Variants in PRXL2C observed in about 807,000 individuals in gnomAD.
The protein encoded by PRXL2C is peroxiredoxin-like 2C.
Under a neutral mutation model 24.9 loss-of-function variants are expected in PRXL2C, and 38 were observed. The observed-to-expected ratio is 1.53, with a 90% CI of 1.18 to 2.00. The LOEUF (loss-of-function observed/expected upper bound fraction) is 2.00, where lower values mean the gene tolerates loss of function less well. PRXL2C is among the 30% of genes most tolerant of loss of function. The probability of loss-of-function intolerance (pLI) is 0.00; values close to 1 mark genes in which losing one functional copy is unlikely to be tolerated. For missense variants in PRXL2C, 294 were observed against 290.9 expected (o/e 1.01, Z -0.08); for synonymous variants, 98 against 117.2 (o/e 0.84, Z 1.06).
chr9:96,645,036 A>G (rs1282700214), intron 5 of PRXL2C, among the ~76,000 whole-genome samples: 1 of 150,528 alleles, frequency 6.6e-6, no homozygotes. Context: ...CCTCCCGAGT[A>G]GCTGGGACTA....
In PRXL2C at chr9:96,640,932, C is replaced by T. The variant is rs770737646; in HGVS notation, c.*827G>A. The T allele has an allele frequency of 6.6e-6, 1 of 151,832 alleles. No individual in the cohort carries two copies. The highest frequency in any genetic ancestry group is 6.6e-5 in the Admixed American group (1 of 15,202). 9.4% of individuals were successfully genotyped at this position (151,832 alleles called of 1,614,324 possible). ...AAATATCTAAAACAATTTTTTTCTC[C>T]ATAGCTCCCCCAACCCCCCAAAATC... is the stretch of plus-strand genomic sequence containing the variant. On this transcript the variant is annotated 3_prime_UTR_variant, in exon 6 of 6. Transcript: ENST00000375234.
chr9:96,645,117 G>A (rs944354301), intron 5 of PRXL2C, among the ~76,000 whole-genome samples: 7 of 151,134 alleles, frequency 4.6e-5, no homozygotes, highest in African/African-American at 1.2e-4. Context: ...CACCGTGTTA[G>A]CCAGGATGGT....
intron 4 of PRXL2C, among the ~76,000 whole-genome samples, chr9:96,647,069 C>A (rs1389586693): frequency 6.6e-6 from 1 of 152,094 alleles, no homozygotes; most frequent in Non-Finnish European, 1.5e-5. Context: ...GGATTACAAG[C>A]ATAAGCCACC....
intron 2 of PRXL2C, among the ~76,000 whole-genome samples, chr9:96,653,539 T>C (rs1848304609): frequency 6.6e-6 from 1 of 152,188 alleles, no homozygotes; most frequent in African/African-American, 2.4e-5. Flanking sequence ...GTGACTATAG[T>C]TAACAATGTA....
chr9:96,640,540 A>C lies in PRXL2C; in HGVS notation c.*1219T>G, dbSNP rs1248963608. The C allele has an allele frequency of 4.6e-5, 7 of 153,264 alleles. No individual in the cohort carries two copies. Among genetic ancestry groups the C allele is most frequent in the Admixed American group, 1.4e-4 (2 of 14,550 alleles). The allele number at this position is 153,264 out of a possible 1,614,324, so 9.5% of individuals were successfully genotyped here. A position where few individuals can be genotyped will look rare whatever the true frequency, so the allele number is the denominator to read the frequency against. On this transcript the variant is annotated 3_prime_UTR_variant, in exon 6 of 6. Coordinates refer to ENST00000375234, the MANE Select transcript of PRXL2C (RefSeq NM_153698.2). ...TCAAAAAAAAAAAAAAAAAAAAAAA[A>C]AAAAAAGCCAGGCAAGGTGGCTCAT...
intron 2 of PRXL2C, 76 bp from the exon 3 acceptor site, chr9:96,651,788 C>A: frequency 7.7e-7 from 1 of 1,294,790 alleles, no homozygotes; most frequent in Non-Finnish European, 1.1e-6. Context: ...TAACCCAACT[C>A]TTATGTTTCA....
In PRXL2C at chr9:96,654,708, T is replaced by C; in HGVS notation, c.258A>G (p.Leu86=). ...EDLAKIPRSF[L]QEANVTLIVI... is the part of the protein sequence containing the mutation. ...CCGCCCACGCTGGGAAACTCACTTG[T>C]AAGAAACTCCTGGGGATTTTGGCCA... The change falls in exon 2 of 6, where the codon TTA becomes TTG. Residue 86 remains leucine (L), a synonymous_variant. Transcript: ENST00000375234. 6.4e-7 allele frequency: 1 copy of C among 1,562,342 alleles called. No homozygotes were observed. Among genetic ancestry groups the C allele is most frequent in the East Asian group, 2.4e-5 (1 of 42,552 alleles).
rs149616501 is a variant in PRXL2C, at chr9:96,648,465, A to G, written c.422-2441T>C. Among the ~76,000 whole-genome samples the G allele has an allele frequency of 2.8e-3, 432 of 151,820 alleles. 4 individuals carry two copies. Among genetic ancestry groups the G allele is most frequent in the African/African-American group, 9.3e-3 (385 of 41,508 alleles). ...GCACCATTAATTTTAAATTATAATTATATAATATATTTTTAGTGCCTTAGT... is the reference window on the plus strand; with the variant it reads ...GCACCATTAATTTTAAATTATAATTGTATAATATATTTTTAGTGCCTTAGT... On this transcript the variant is annotated intron_variant, in intron 4 of 5. Coordinates refer to ENST00000375234, the MANE Select transcript of PRXL2C (RefSeq NM_153698.2).
Position 96,654,962 on chromosome 9 carries a change from G to T in PRXL2C, c.192+128C>A, listed in dbSNP as rs538068434. 384 of 1,261,730 alleles carry T rather than the reference G, an allele frequency of 3.0e-4. 1 individual carries two copies. The East Asian group carries it at 8.7e-3, about 29-fold the overall frequency. The allele number at this position is 1,261,730 out of a possible 1,614,324, so 78.2% of individuals were successfully genotyped here. A position where few individuals can be genotyped will look rare whatever the true frequency, so the allele number is the denominator to read the frequency against. On this transcript the variant is annotated intron_variant, in intron 1 of 5. Coordinates refer to ENST00000375234, the MANE Select transcript of PRXL2C (RefSeq NM_153698.2). ...CCTCTCCCTGCCCCGCCCTAGTTGG[G>T]AAGCGGCCGCGACTGGGCAGGCTGC...
rs1306240774 is a variant in PRXL2C at position 96,655,203 on chromosome 9, C to T, written c.79G>A (p.Gly27Arg). The T allele has an allele frequency of 3.4e-6, 4 of 1,183,712 alleles. No homozygotes were observed. The highest frequency in any genetic ancestry group is 4.2e-6 in the Non-Finnish European group (4 of 958,914). 73.3% of individuals were successfully genotyped at this position (1,183,712 alleles called of 1,614,324 possible). The change falls in exon 1 of 6, where the codon GGG becomes AGG. Residue 27 changes from glycine (G) to arginine (R), a missense_variant. Coordinates refer to ENST00000375234, the MANE Select transcript of PRXL2C (RefSeq NM_153698.2). The part of the protein sequence containing the change: ...LVPAPSGPDS[G>R]QPLAAAVAEL... ...GCCACGGCGGCCGCCAGGGGCTGCC[C>T]GCTGTCGGGGCCGCTCGGGGCCGGG...
At chr9:96,653,880 G>A (rs187970177) in intron 2 of PRXL2C, among the ~76,000 whole-genome samples, 3 of 149,654 alleles carry the variant, frequency 2.0e-5, no homozygotes, top group East Asian at 2.0e-4. Context: ...TTACTCTGTC[G>A]CCCAGGCTGG....
intron 5 of PRXL2C, among the ~76,000 whole-genome samples, chr9:96,644,678 G>T (rs1463171995): frequency 1.3e-5 from 2 of 151,064 alleles, no homozygotes; most frequent in Non-Finnish European, 2.9e-5. Flanking sequence ...GTAGAGATGG[G>T]GTTTCACCAA....
At chr9:96,651,061 C>T (rs971588666) in intron 4 of PRXL2C, among the ~76,000 whole-genome samples, 4 of 152,038 alleles carry the variant, frequency 2.6e-5, no homozygotes, top group Non-Finnish European at 5.9e-5. Flanking sequence ...GAGGCCGAGA[C>T]AGGTCAGGAG....
intron 2 of PRXL2C, among the ~76,000 whole-genome samples, chr9:96,653,986 G>T (rs1053387795): frequency 2.6e-5 from 4 of 151,984 alleles, no homozygotes; most frequent in African/African-American, 9.7e-5. Context: ...GCCTACAGGC[G>T]CCCGCCACCA....
intron 4 of PRXL2C, among the ~76,000 whole-genome samples, chr9:96,647,939 C>T (rs746334639): frequency 2.0e-5 from 3 of 150,812 alleles, no homozygotes; most frequent in Non-Finnish European, 4.4e-5. Flanking sequence ...GGAGTCAATC[C>T]GTCACCCAGG....
In PRXL2C at chr9:96,651,375, CATGTT is replaced by C. The variant is rs1347625688; in HGVS notation, c.421+10_421+14del. The C allele has an allele frequency of 1.9e-6, 3 of 1,546,134 alleles. No individual in the cohort carries two copies. The highest frequency in any genetic ancestry group is 1.4e-5 in the African/African-American group (1 of 73,204). On this transcript the variant is annotated intron_variant, in intron 4 of 5. Coordinates refer to ENST00000375234, the MANE Select transcript of PRXL2C (RefSeq NM_153698.2). The stretch of plus-strand genomic sequence containing the variant: ...CACCACCAGTGTTTTCTATTTGAGA[CATGTT>C]ATGTCTTACCTGAGGAAGCAATTTC...
At chr9:96,650,163 C>T (rs1848249552) in intron 4 of PRXL2C, among the ~76,000 whole-genome samples, 1 of 152,162 alleles carries the variant, frequency 6.6e-6, no homozygotes, top group African/African-American at 2.4e-5. Context: ...CCATCACTGG[C>T]CCTTAGATGG....
chr9:96,643,193 C>A (rs1261639120), intron 5 of PRXL2C, among the ~76,000 whole-genome samples: 1 of 152,154 alleles, frequency 6.6e-6, no homozygotes, highest in Non-Finnish European at 1.5e-5. Context: ...TGAGGGATGA[C>A]TGAATGGTCC....
intron 2 of PRXL2C, 99 bp from the exon 3 acceptor site, chr9:96,651,811 C>A: frequency 2.0e-6 from 2 of 986,306 alleles, no homozygotes; most frequent in East Asian, 2.5e-5. Context: ...CTAATGCCAC[C>A]TATAGGCTTC....
Sources: gnomAD v4.1 joint callset for allele counts (sites outside exome capture counted in the v4.1 genomes callset) on GRCh38, gnomAD v4.1.1 for gene constraint, MANE v1.5 for transcripts, NCBI Gene and HGNC (gene_info 2026-07-23, HGNC 2026-07-21) for gene names.